The following GDNF variants were observed in gnomAD, a reference collection of about 807,000 sequenced individuals.
The protein encoded by GDNF is glial cell derived neurotrophic factor, also known as glial cell line-derived neurotrophic factor.
A neutral mutation model predicts 13.7 loss-of-function variants in GDNF; 5 were observed. The observed-to-expected ratio is 0.36, with a 90% CI of 0.19 to 0.77. The LOEUF is 0.77. Ranked by LOEUF, GDNF falls within the 30% of genes least tolerant of loss-of-function variation. GDNF has a pLI of 0.51. For synonymous variants in GDNF, 122 were observed against 112.5 expected, an observed-to-expected ratio of 1.08 and a Z score of -0.53; for missense variants, 246 against 274.3, an observed-to-expected ratio of 0.90 and a Z score of 0.73.
At position 37,829,997 on chromosome 5, in the gene GDNF, T is replaced by G. The variant is rs1462166942; in HGVS notation, c.151+4649A>C. Among the ~76,000 whole-genome samples, 4 of 152,226 alleles carry G rather than the reference T, an allele frequency of 2.6e-5. No individual in the cohort carries two copies. The South Asian group carries it at 8.3e-4, about 32-fold the overall frequency. ...AGTTACTTTGTTAAAGTATTGTTCA[T>G]TCATACAGTCCCTAAGCGATAAGAC... On this transcript the variant is annotated intron_variant, in intron 2 of 2. Transcript: ENST00000326524.
At chr5:37,826,357 T>C (rs191116719) in intron 2 of GDNF, among the ~76,000 whole-genome samples, 1 of 152,334 alleles carries the variant, frequency 6.6e-6, no homozygotes, top group African/African-American at 2.4e-5. Context: ...GGCAGCAGTG[T>C]AAAGCCAACT....
intron 2 of GDNF, among the ~76,000 whole-genome samples, chr5:37,826,760 T>C (rs1453135231): frequency 6.6e-6 from 1 of 152,194 alleles, no homozygotes; most frequent in Non-Finnish European, 1.5e-5. Flanking sequence ...TCCTAAAATG[T>C]CTGGTCTGCC....
rs757736109 is a variant in GDNF, at chr5:37,834,724, C to G, written c.73G>C (p.Gly25Arg). 2 of 1,611,398 alleles carry G rather than the reference C, an allele frequency of 1.2e-6. No homozygotes were observed. Among genetic ancestry groups the G allele is most frequent in the South Asian group, 2.2e-5 (2 of 91,010 alleles). The change falls in exon 2 of 3, where the codon GGT (glycine) becomes CGT (arginine). Residue 25 changes from glycine (G) to arginine (R), a missense_variant. Gly to Arg is a moderately radical substitution (Grantham distance 125). Coordinates refer to ENST00000326524, the MANE Select transcript of GDNF (RefSeq NM_000514.4). Reference protein sequence around the residue: ...HTASAFPLPAGKRPPEAPAED... With the variant: ...HTASAFPLPARKRPPEAPAED... ...GCGGGCGCCTCGGGAGGCCTCTTAC[C>G]GGCGGGCAGCGGGAAGGCGGACGCG...
chr5:37,834,196 G>A (rs1011649358), intron 2 of GDNF, among the ~76,000 whole-genome samples: 1 of 152,242 alleles, frequency 6.6e-6, no homozygotes, highest in East Asian at 1.9e-4. Flanking sequence ...CCGGCCTCTC[G>A]CCTTGCAGGC....
intron 2 of GDNF, among the ~76,000 whole-genome samples, 166 bp from the exon 3 acceptor site, chr5:37,816,301 A>T (rs1414108869): frequency 1.3e-5 from 2 of 152,216 alleles, no homozygotes; most frequent in African/African-American, 4.8e-5. Context: ...AGAGGCAAAA[A>T]TGCACAGAAG....
At chr5:37,836,168 C>CT (rs1404317089) in intron 1 of GDNF, among the ~76,000 whole-genome samples, 1 of 151,852 alleles carries the variant, frequency 6.6e-6, no homozygotes, top group African/African-American at 2.4e-5. Context: ...CCTCGACCGG[C>CT]TCCATAAAAC....
intron 2 of GDNF, among the ~76,000 whole-genome samples, chr5:37,819,879 T>TA (rs145804363): frequency 4.6e-5 from 7 of 151,010 alleles, no homozygotes; most frequent in African/African-American, 9.7e-5. Flanking sequence ...ACAATTGACT[T>TA]AAAAAAAAAT....
chr5:37,830,513 AT>A (rs1336156045), intron 2 of GDNF, among the ~76,000 whole-genome samples: 1 of 152,204 alleles, frequency 6.6e-6, no homozygotes, highest in Non-Finnish European at 1.5e-5. Flanking sequence ...GGGGCCCAAA[AT>A]AGCCTGCCCA....
Position 37,837,816 on chromosome 5 carries a change from C to T in GDNF, c.-27+1691G>A, listed in dbSNP as rs1750760923. Among the ~76,000 whole-genome samples the T allele has an allele frequency of 1.3e-5, 2 of 152,074 alleles. No homozygotes were observed. The highest frequency in any genetic ancestry group is 4.8e-5 in the African/African-American group (2 of 41,406). On this transcript the variant is annotated intron_variant, in intron 1 of 2. Coordinates refer to ENST00000326524, the MANE Select transcript of GDNF (RefSeq NM_000514.4). The surrounding 1 kb of genome is among the most constrained non-coding windows in gnomAD (Gnocchi z 6.5). Reference sequence around the variant, plus strand: ...AACCTGCTTTCAGACCATCCCTCACCCCTTCCACGCGTCACCGTGACAGAT... The same window carrying T: ...AACCTGCTTTCAGACCATCCCTCACTCCTTCCACGCGTCACCGTGACAGAT...
At chr5:37,829,749 C>A (rs1167110917) in intron 2 of GDNF, among the ~76,000 whole-genome samples, 2 of 152,158 alleles carry the variant, frequency 1.3e-5, no homozygotes, top group Non-Finnish European at 2.9e-5. Context: ...ATTGCTCACG[C>A]CCTGGGTCAG....
chr5:37,830,313 C>T (rs1469413430), intron 2 of GDNF, among the ~76,000 whole-genome samples: 1 of 152,200 alleles, frequency 6.6e-6, no homozygotes, highest in African/African-American at 2.4e-5. Flanking sequence ...TTCCCTCCTT[C>T]CCATGACGGA....
Position 37,815,562 on chromosome 5 carries a change from C to A in GDNF, c.*89G>T. The A allele has an allele frequency of 7.9e-7, 1 of 1,258,918 alleles. No individual in the cohort carries two copies. The allele number at this position is 1,258,918 out of a possible 1,614,324, so 78.0% of individuals were successfully genotyped here. ...CCTCCGCCTCCTTGGTCCTCATCTTCCATTCTGGGCAAACATTTCCTGGGA... is the reference window on the plus strand; with the variant it reads ...CCTCCGCCTCCTTGGTCCTCATCTTACATTCTGGGCAAACATTTCCTGGGA... On this transcript the variant is annotated 3_prime_UTR_variant, in exon 3 of 3. Transcript: ENST00000326524. The surrounding 1 kb of genome is among the most constrained non-coding windows in gnomAD (Gnocchi z 5.0).
chr5:37,837,706 T>C lies in GDNF; in HGVS notation c.-27+1801A>G, dbSNP rs948046843. ...TAGCCCGGGAACCTGTGGAGGTCCT[T>C]ACTGGCATCTCTGCTTTTCAGGCTC... On this transcript the variant is annotated intron_variant, in intron 1 of 2. Transcript: ENST00000326524. This position sits in a 1 kb window ranked among gnomAD's most constrained non-coding sequence, Gnocchi z 6.5. Among the ~76,000 whole-genome samples the C allele has an allele frequency of 3.9e-5, 6 of 152,290 alleles. No individual in the cohort carries two copies. The East Asian group carries it at 9.7e-4, about 25-fold the overall frequency.
chr5:37,836,386 C>G (rs1385977514), intron 1 of GDNF, among the ~76,000 whole-genome samples: 1 of 152,136 alleles, frequency 6.6e-6, no homozygotes, highest in Non-Finnish European at 1.5e-5. Flanking sequence ...TCGGCCGCCA[C>G]CTCCCACCTC....
chr5:37,835,617 CTCAGTAAATGCTTTACCATTGCTG>C, intron 1 of GDNF: 1 of 1,545,874 alleles, frequency 6.5e-7, no homozygotes, highest in South Asian at 1.2e-5. Context: ...GTAGTAAGAG[CTCAGTAAATGCTTTACCATTGCTG>C]TTAGGCAAAG....
At chr5:37,830,781 A>G (rs1750498659) in intron 2 of GDNF, among the ~76,000 whole-genome samples, 1 of 152,232 alleles carries the variant, frequency 6.6e-6, no homozygotes, top group African/African-American at 2.4e-5. Context: ...TTTTACAGGG[A>G]AGAAAAAACA....
chr5:37,820,499 T>C (rs759923881), intron 2 of GDNF, among the ~76,000 whole-genome samples: 2 of 152,134 alleles, frequency 1.3e-5, no homozygotes, highest in Non-Finnish European at 2.9e-5. Context: ...TTCAGGTAAA[T>C]AGTGAATACA....
chr5:37,827,643 A>G (rs1750374550), intron 2 of GDNF, among the ~76,000 whole-genome samples: 1 of 152,206 alleles, frequency 6.6e-6, no homozygotes, highest in African/African-American at 2.4e-5. Flanking sequence ...CTACCTTACA[A>G]TTAGGATCCA....
intron 2 of GDNF, among the ~76,000 whole-genome samples, chr5:37,826,874 T>C (rs980058672): frequency 5.9e-5 from 9 of 152,218 alleles, no homozygotes; most frequent in Admixed American, 1.3e-4. Flanking sequence ...AGCCATTCTA[T>C]TGTGGGGCCT....
Sources: allele counts gnomAD v4.1 joint callset (sites outside exome capture counted in the v4.1 genomes callset), GRCh38; gene constraint gnomAD v4.1.1; non-coding constraint Gnocchi (gnomAD v3.1); transcripts MANE v1.5; gene names NCBI Gene and HGNC (gene_info 2026-07-23, HGNC 2026-07-21).